Variants in ZNF37A observed in about 807,000 individuals in gnomAD.
ZNF37A encodes the protein zinc finger protein 37A, also known as zinc finger protein 37a (KOX 21).
In ZNF37A, 10 loss-of-function variants were observed where a neutral mutation model predicts 12.3. That is an observed-to-expected ratio of 0.82 (90% CI 0.50 to 1.38). The LOEUF (loss-of-function observed/expected upper bound fraction) is 1.38, where lower values mean the gene tolerates loss of function less well. ZNF37A is among the 40% of genes most tolerant of loss of function. The pLI is 0.00. For missense variants in ZNF37A, 580 were observed against 651.2 expected, an observed-to-expected ratio of 0.89 and a Z score of 1.19; for synonymous variants, 207 against 223.0, an observed-to-expected ratio of 0.93 and a Z score of 0.64.
At chr10:38,102,005 A>T (rs2474577) in intron 5 of ZNF37A, among the ~76,000 whole-genome samples, 7,619 of 149,814 alleles carry the variant, frequency 0.051, 253 homozygotes, top group Middle Eastern at 0.072. Flanking sequence ...GTATATATAT[A>T]TTTTTTCTTT....
At position 38,120,852 on chromosome 10, in the gene ZNF37A, A is replaced by G. The variant is rs1184728367; in HGVS notation, c.*2015A>G. ...GCATAGGGCAGGAGCCTGAAAAGCTAATTTGAGAAGATAATAAGTAGGATT... is the reference window on the plus strand; with the variant it reads ...GCATAGGGCAGGAGCCTGAAAAGCTGATTTGAGAAGATAATAAGTAGGATT... On this transcript the variant is annotated 3_prime_UTR_variant, in exon 8 of 8. Transcript: ENST00000685332. 7 of 152,234 alleles carry G rather than the reference A, an allele frequency of 4.6e-5. No homozygotes were observed. Among genetic ancestry groups the G allele is most frequent in the Admixed American group, 3.9e-4 (6 of 15,284 alleles). The allele number at this position is 152,234 out of a possible 1,614,324, so 9.4% of individuals were successfully genotyped here.
intron 7 of ZNF37A, among the ~76,000 whole-genome samples, chr10:38,136,924 C>T (rs1356400960): frequency 6.6e-6 from 1 of 152,076 alleles, no homozygotes; most frequent in Non-Finnish European, 1.5e-5. Context: ...TTGCTTAAAT[C>T]TGCTCTTAAA....
rs1429309088 is a variant in ZNF37A, at chr10:38,120,427, A to G, written c.*1590A>G. The G allele has an allele frequency of 8.7e-6, 1 of 114,366 alleles. No individual in the cohort carries two copies. The highest frequency in any genetic ancestry group is 1.9e-5 in the Non-Finnish European group (1 of 51,846). 7.1% of individuals were successfully genotyped at this position (114,366 alleles called of 1,614,324 possible). A position where few individuals can be genotyped will look rare whatever the true frequency, so the allele number is the denominator to read the frequency against. Reference sequence around the variant, plus strand: ...CTGAGTGACAGAGAGAGATTCAAAAAACAAAAAAAAAGCAAAAATATACTT... The same window carrying G: ...CTGAGTGACAGAGAGAGATTCAAAAGACAAAAAAAAAGCAAAAATATACTT... On this transcript the variant is annotated 3_prime_UTR_variant, in exon 8 of 8. Transcript: ENST00000685332.
intron 5 of ZNF37A, among the ~76,000 whole-genome samples, chr10:38,109,376 C>G (rs1316574829): frequency 6.6e-6 from 1 of 152,096 alleles, no homozygotes; most frequent in African/African-American, 2.4e-5. Context: ...AAACCCACAG[C>G]CAATATAATA....
chr10:38,115,512 G>A, intron 7 of ZNF37A: 1 of 458,410 alleles, frequency 2.2e-6, no homozygotes, highest in Non-Finnish European at 3.7e-6. Flanking sequence ...TTTAAATTGT[G>A]ATATAAACTA....
chr10:38,136,756 T>C (rs1255533631), intron 7 of ZNF37A, among the ~76,000 whole-genome samples: 1 of 152,240 alleles, frequency 6.6e-6, no homozygotes, highest in Non-Finnish European at 1.5e-5. Context: ...GTCTGTCTTC[T>C]CCTACTGGGA....
downstream of ZNF37A, among the ~76,000 whole-genome samples, chr10:38,127,841 C>T (rs11011456): frequency 0.029 from 4,377 of 152,132 alleles, 121 homozygotes; most frequent in African/African-American, 0.077. Context: ...GAGGTGTGGT[C>T]GTAGTGCCAA....
intron 5 of ZNF37A, among the ~76,000 whole-genome samples, chr10:38,113,019 G>A (rs2135991962): frequency 6.6e-6 from 1 of 151,922 alleles, no homozygotes; most frequent in South Asian, 2.1e-4. Context: ...TGTTAGCCAT[G>A]CTGGTCTTGA....
chr10:38,098,029 T>C (rs1310987072), intron 5 of ZNF37A, among the ~76,000 whole-genome samples: 2 of 152,216 alleles, frequency 1.3e-5, no homozygotes, highest in South Asian at 2.1e-4. Context: ...TTTATAGATA[T>C]GCCTGTTTTA....
chr10:38,144,861 T>C (rs943368778), intron 7 of ZNF37A, among the ~76,000 whole-genome samples: 1 of 152,014 alleles, frequency 6.6e-6, no homozygotes, highest in African/African-American at 2.4e-5. Context: ...CCCAGCTGCA[T>C]ACAAAACTCA....
intron 7 of ZNF37A, among the ~76,000 whole-genome samples, chr10:38,132,940 T>C (rs763167080): frequency 5.9e-5 from 9 of 152,130 alleles, no homozygotes; most frequent in Non-Finnish European, 1.3e-4. Context: ...TTATGTCATA[T>C]ATTTTGAGGG....
At chr10:38,113,025 C>G (rs566969525) in intron 5 of ZNF37A, among the ~76,000 whole-genome samples, 1 of 152,056 alleles carries the variant, frequency 6.6e-6, no homozygotes, top group Admixed American at 6.6e-5. Context: ...CCATGCTGGT[C>G]TTGAACTCCT....
chr10:38,142,453 CT>C (rs1359712888), intron 7 of ZNF37A: 1 of 152,058 alleles, frequency 6.6e-6, no homozygotes, highest in Non-Finnish European at 1.5e-5. Context: ...TAGATCCAAG[CT>C]TATATTGTGA....
At chr10:38,116,521 A>G (rs2069281852) in intron 7 of ZNF37A, among the ~76,000 whole-genome samples, 1 of 152,208 alleles carries the variant, frequency 6.6e-6, no homozygotes, top group Non-Finnish European at 1.5e-5. Flanking sequence ...AGGGACAAAC[A>G]GCTGAACTTA....
In ZNF37A at chr10:38,118,956, G is replaced by A; in HGVS notation, c.*119G>A. The A allele has an allele frequency of 1.2e-5, 12 of 1,005,540 alleles. No homozygotes were observed. Among genetic ancestry groups the A allele is most frequent in the East Asian group, 6.4e-5 (2 of 31,366 alleles). The allele number at this position is 1,005,540 out of a possible 1,614,324, so 62.3% of individuals were successfully genotyped here. A position where few individuals can be genotyped will look rare whatever the true frequency, so the allele number is the denominator to read the frequency against. The stretch of plus-strand genomic sequence containing the variant: ...ACAGTATAGAAGAGAACTTAAAGAG[G>A]GAAAAAACAATATGAAGATAGGGAA... On this transcript the variant is annotated 3_prime_UTR_variant, in exon 8 of 8. Coordinates refer to ENST00000685332, the MANE Select transcript of ZNF37A (RefSeq NM_001324250.3).
At chr10:38,115,396 C>T in intron 7 of ZNF37A, 106 bp downstream of exon 7, 2 of 1,449,976 alleles carry the variant, frequency 1.4e-6, no homozygotes, top group Non-Finnish European at 9.1e-7. Context: ...GTTTTAGAGG[C>T]TCCAGACCTT....
chr10:38,140,859 G>A (rs190320141), intron 7 of ZNF37A: 77 of 152,278 alleles, frequency 5.1e-4, no homozygotes, highest in Admixed American at 4.9e-3. Context: ...TGTGGCATGC[G>A]TCGTAATCCA....
chr10:38,101,318 T>C (rs2067550187), intron 5 of ZNF37A, among the ~76,000 whole-genome samples: 3 of 151,986 alleles, frequency 2.0e-5, no homozygotes, highest in Admixed American at 2.0e-4. Context: ...TTTTAATTCT[T>C]AGATTTAGGT....
rs141196215 is a variant in ZNF37A at position 38,106,125 on chromosome 10, T to A, written c.16-8630T>A. On this transcript the variant is annotated intron_variant, in intron 5 of 7. Transcript: ENST00000685332. ...GTATGTTACCTATGAGTTTTTTGTA[T>A]ATGTGCTTTATTATGTGGAGGAACA... Among the ~76,000 whole-genome samples, 1,439 of 152,294 alleles carry A rather than the reference T, an allele frequency of 9.4e-3. 9 individuals are homozygous for A. Among genetic ancestry groups the A allele is most frequent in the Middle Eastern group, 0.034 (10 of 294 alleles).
Sources: allele counts gnomAD v4.1 joint callset (sites outside exome capture counted in the v4.1 genomes callset), GRCh38; gene constraint gnomAD v4.1.1; transcripts MANE v1.5; gene names NCBI Gene and HGNC (gene_info 2026-07-23, HGNC 2026-07-21).